CRYL1: variants seen among roughly 807,000 people sequenced by gnomAD.
The protein encoded by CRYL1 is crystallin lambda 1, also known as lambda-crystallin homolog.
In CRYL1, 29 loss-of-function variants were observed where a neutral mutation model predicts 36.6. The observed-to-expected ratio is 0.79, with a 90% confidence interval of 0.59 to 1.08. The LOEUF (loss-of-function observed/expected upper bound fraction) is 1.08. Among genes scored for constraint, CRYL1 ranks in the 50% least tolerant of loss-of-function variants. The probability of loss-of-function intolerance (pLI) is 0.00; values close to 1 mark genes in which losing one functional copy is unlikely to be tolerated. For missense variants in CRYL1, 411 were observed against 407.9 expected, an observed-to-expected ratio of 1.01 and a Z score of -0.06; for synonymous variants, 152 against 151.5, an observed-to-expected ratio of 1.00 and a Z score of -0.02.
intron 2 of CRYL1, among the ~76,000 whole-genome samples, chr13:20,504,832 C>T (rs1479726124): frequency 2.0e-5 from 3 of 152,014 alleles, no homozygotes; most frequent in African/African-American, 7.3e-5. Context: ...CACTAAGATC[C>T]CTTGGCATGG....
intron 5 of CRYL1, chr13:20,431,317 G>A (rs541307196): frequency 2.1e-4 from 204 of 985,298 alleles, no homozygotes; most frequent in Non-Finnish European, 2.4e-4. Flanking sequence ...CTCCCTACGC[G>A]GTGCAGCTGG....
At chr13:20,467,901 GC>G (rs781321023) in intron 3 of CRYL1, among the ~76,000 whole-genome samples, 1 of 152,188 alleles carries the variant, frequency 6.6e-6, no homozygotes, top group Non-Finnish European at 1.5e-5. Context: ...GTGCGCCTGA[GC>G]TCCACCTCCT....
intron 2 of CRYL1, among the ~76,000 whole-genome samples, chr13:20,493,388 G>A (rs1339364279): frequency 1.3e-5 from 2 of 152,150 alleles, no homozygotes; most frequent in East Asian, 3.9e-4. Flanking sequence ...GGCCAGGCGC[G>A]GTGGCTCACA....
At chr13:20,495,721 A>C (rs1054889634) in intron 2 of CRYL1, among the ~76,000 whole-genome samples, 4 of 152,246 alleles carry the variant, frequency 2.6e-5, no homozygotes, top group South Asian at 2.1e-4. Flanking sequence ...ACAACAGAAG[A>C]AGCAAGCAAT....
intron 6 of CRYL1, among the ~76,000 whole-genome samples, chr13:20,407,229 G>A (rs1451015227): frequency 6.6e-6 from 1 of 151,662 alleles, no homozygotes; most frequent in Non-Finnish European, 1.5e-5. Flanking sequence ...ACATGCTCTT[G>A]GGATGAAGAG....
intron 1 of CRYL1, among the ~76,000 whole-genome samples, chr13:20,520,675 CCA>C (rs1181383665): frequency 6.6e-6 from 1 of 152,140 alleles, no homozygotes; most frequent in Non-Finnish European, 1.5e-5. Context: ...CCCTTCACGC[CCA>C]CACACTCAGT....
chr13:20,522,535 T>C (rs2034113670), intron 1 of CRYL1, among the ~76,000 whole-genome samples: 1 of 152,164 alleles, frequency 6.6e-6, no homozygotes, highest in South Asian at 2.1e-4. Flanking sequence ...CAGTCTCTGT[T>C]ACAAACGCTC....
intron 3 of CRYL1, among the ~76,000 whole-genome samples, chr13:20,487,401 A>G (rs1320529944): frequency 2.0e-5 from 3 of 152,206 alleles, no homozygotes; most frequent in Non-Finnish European, 4.4e-5. Flanking sequence ...AAAGCTCTGC[A>G]TAGCAAACAT....
intron 3 of CRYL1, among the ~76,000 whole-genome samples, chr13:20,475,442 C>T (rs1396907601): frequency 3.3e-5 from 5 of 152,220 alleles, no homozygotes; most frequent in African/African-American, 1.2e-4. Flanking sequence ...ACTGGAAAAA[C>T]AGCAGTAGAT....
chr13:20,475,154 C>T (rs551077130), intron 3 of CRYL1, among the ~76,000 whole-genome samples: 82 of 152,296 alleles, frequency 5.4e-4, no homozygotes, highest in African/African-American at 1.9e-3. Context: ...GAGCAGACAA[C>T]TGGACAGGGA....
chr13:20,520,277 G>A (rs1238703921), intron 1 of CRYL1, among the ~76,000 whole-genome samples: 2 of 152,146 alleles, frequency 1.3e-5, no homozygotes, highest in Non-Finnish European at 2.9e-5. Flanking sequence ...GGGAAAAATG[G>A]GGTCAAGAGA....
chr13:20,466,696 G>GTGTGTGTC (rs1399229178), intron 3 of CRYL1, among the ~76,000 whole-genome samples: 3 of 141,950 alleles, frequency 2.1e-5, no homozygotes, highest in African/African-American at 7.3e-5. Context: ...GTGTGTGTGT[G>GTGTGTGTC]TGTGTGTGTG....
At chr13:20,470,100 A>G (rs775346661) in intron 3 of CRYL1, among the ~76,000 whole-genome samples, 6 of 152,198 alleles carry the variant, frequency 3.9e-5, no homozygotes, top group Non-Finnish European at 8.8e-5. Flanking sequence ...TTCTTCCTCA[A>G]ATATCCCAAG....
intron 2 of CRYL1, among the ~76,000 whole-genome samples, chr13:20,498,118 C>A (rs1433347251): frequency 1.3e-5 from 2 of 150,178 alleles, no homozygotes; most frequent in Non-Finnish European, 3.0e-5. Flanking sequence ...TACACACACC[C>A]CATATACACA....
At chr13:20,470,501 C>A (rs781471965) in intron 3 of CRYL1, among the ~76,000 whole-genome samples, 21 of 152,186 alleles carry the variant, frequency 1.4e-4, no homozygotes, top group Admixed American at 6.5e-5. Context: ...AAAACCAGTT[C>A]ATTGTTTTCC....
intron 3 of CRYL1, among the ~76,000 whole-genome samples, chr13:20,457,264 A>G (rs2032712374): frequency 6.6e-6 from 1 of 152,178 alleles, no homozygotes; most frequent in Non-Finnish European, 1.5e-5. Context: ...TTAGAACACT[A>G]AAGTTAGAAG....
intron 3 of CRYL1, among the ~76,000 whole-genome samples, chr13:20,475,538 C>T (rs984901403): frequency 1.4e-4 from 21 of 152,066 alleles, no homozygotes; most frequent in Admixed American, 1.4e-3. Context: ...ATACTAGCAC[C>T]CACTTTACGG....
At chr13:20,413,254 A>T in intron 6 of CRYL1, 28 bp downstream of exon 6, 1 of 1,452,794 alleles carries the variant, frequency 6.9e-7, no homozygotes, top group South Asian at 1.2e-5. Context: ...AATAGAATGG[A>T]ATTCCCATCC....
At chr13:20,515,047 A>G (rs1472664554) in intron 1 of CRYL1, among the ~76,000 whole-genome samples, 2 of 152,204 alleles carry the variant, frequency 1.3e-5, no homozygotes, top group East Asian at 3.8e-4. Context: ...TGCCACATGG[A>G]TGAATGTTGA....
Sources: gnomAD v4.1 joint callset for allele counts (sites outside exome capture counted in the v4.1 genomes callset) on GRCh38, gnomAD v4.1.1 for gene constraint, MANE v1.5 for transcripts, NCBI Gene and HGNC (gene_info 2026-07-23, HGNC 2026-07-21) for gene names.